Variants in SKIC3 observed in about 807,000 individuals in gnomAD.
SKIC3 encodes the protein SKI3 subunit of superkiller complex.
chr5:95,479,759 T>G, the SKIC3 span, among the ~76,000 whole-genome samples: 1,292 of 151,046 alleles, frequency 8.6e-3, 14 homozygotes, highest in South Asian at 0.035. Context: ...CTAAGGGTGT[T>G]GGGACATCTC....
the SKIC3 span, among the ~76,000 whole-genome samples, chr5:95,526,740 G>A: frequency 6.6e-6 from 1 of 152,076 alleles, no homozygotes; most frequent in East Asian, 1.9e-4. Context: ...AAGTGTTAGA[G>A]GCATGAGCCA....
At chr5:95,528,552 C>T in the SKIC3 span, among the ~76,000 whole-genome samples, 8 of 152,324 alleles carry the variant, frequency 5.3e-5, no homozygotes, top group African/African-American at 1.9e-4. Context: ...TTCTTAGTTA[C>T]AGGGAGCAAG....
chr5:95,522,901 T>C, the SKIC3 span, among the ~76,000 whole-genome samples: 1 of 152,172 alleles, frequency 6.6e-6, no homozygotes, highest in Non-Finnish European at 1.5e-5. Context: ...AAACAATGTG[T>C]GTCAGCAGAA....
At chr5:95,487,659 A>G in the SKIC3 span, among the ~76,000 whole-genome samples, 1 of 152,232 alleles carries the variant, frequency 6.6e-6, no homozygotes, top group Non-Finnish European at 1.5e-5. Flanking sequence ...CTACCCAAAC[A>G]ACACCATGGA....
At chr5:95,512,385 A>G in the SKIC3 span, 1 of 1,421,094 alleles carries the variant, frequency 7.0e-7, no homozygotes, top group Non-Finnish European at 9.6e-7. Flanking sequence ...AAGAATACCA[A>G]TATTTAATTT....
At chr5:95,501,880 TAAC>T in the SKIC3 span, among the ~76,000 whole-genome samples, 1 of 152,098 alleles carries the variant, frequency 6.6e-6, no homozygotes, top group Non-Finnish European at 1.5e-5. Context: ...ATGTTATATA[TAAC>T]GATAGATACA....
chr5:95,510,007 T>C, the SKIC3 span, among the ~76,000 whole-genome samples: 570 of 152,344 alleles, frequency 3.7e-3, 5 homozygotes, highest in African/African-American at 0.013. Context: ...ATTCAGTTCT[T>C]TGGCTAATTA....
chr5:95,484,172 A>G, the SKIC3 span, among the ~76,000 whole-genome samples: 3 of 152,096 alleles, frequency 2.0e-5, no homozygotes, highest in Non-Finnish European at 1.5e-5. Flanking sequence ...ATCTGTAAAA[A>G]TGAGGATAAT....
the SKIC3 span, chr5:95,524,448 T>C: frequency 1.2e-6 from 2 of 1,612,270 alleles, no homozygotes; most frequent in South Asian, 2.2e-5. Context: ...GGAATTGAAT[T>C]GTAGCACTTG....
chr5:95,523,952 CA>C, the SKIC3 span: 1 of 1,071,266 alleles, frequency 9.3e-7, no homozygotes, highest in Middle Eastern at 3.0e-4. Flanking sequence ...ATTAAACATA[CA>C]AAAATATGCC....
At chr5:95,516,246 A>G in the SKIC3 span, 4 of 1,142,734 alleles carry the variant, frequency 3.5e-6, no homozygotes, top group Non-Finnish European at 3.9e-6. Flanking sequence ...TACTGGCTAG[A>G]TAACGATGTG....
At chr5:95,509,529 G>T in the SKIC3 span, 1 of 1,251,820 alleles carries the variant, frequency 8.0e-7, no homozygotes, top group Non-Finnish European at 1.2e-6. Flanking sequence ...AGGCCAGTCA[G>T]AGATTCTCCA....
the SKIC3 span, among the ~76,000 whole-genome samples, chr5:95,493,340 A>T: frequency 0.012 from 1,893 of 152,340 alleles, 44 homozygotes; most frequent in African/African-American, 0.043. Flanking sequence ...TAATCTGGGA[A>T]CATCAGAGAT....
chr5:95,491,452 A>T, the SKIC3 span, among the ~76,000 whole-genome samples: 1 of 152,230 alleles, frequency 6.6e-6, no homozygotes, highest in Non-Finnish European at 1.5e-5. Context: ...TTCAGTTCTT[A>T]AGAAAAGTTT....
the SKIC3 span, among the ~76,000 whole-genome samples, chr5:95,465,173 G>T: frequency 6.6e-6 from 1 of 151,974 alleles, no homozygotes; most frequent in Non-Finnish European, 1.5e-5. Flanking sequence ...CAAGTAATCT[G>T]CTGGCCTTGG....
At chr5:95,490,805 T>C in the SKIC3 span, 2 of 1,478,544 alleles carry the variant, frequency 1.4e-6, no homozygotes, top group Non-Finnish European at 1.9e-6. Flanking sequence ...GCCTAATGAA[T>C]ATATTTTTTA....
the SKIC3 span, among the ~76,000 whole-genome samples, chr5:95,527,744 C>A: frequency 2.6e-5 from 4 of 151,996 alleles, no homozygotes; most frequent in African/African-American, 4.8e-5. Context: ...TAGTAATAAC[C>A]TAAGAGGGCA....
At chr5:95,537,799 G>A in the SKIC3 span, among the ~76,000 whole-genome samples, 18 of 152,026 alleles carry the variant, frequency 1.2e-4, 1 homozygote, top group South Asian at 2.1e-4. Flanking sequence ...CTGGCTACAC[G>A]TTCTGCATTT....
the SKIC3 span, among the ~76,000 whole-genome samples, chr5:95,468,753 T>A: frequency 6.6e-6 from 1 of 152,178 alleles, no homozygotes; most frequent in Non-Finnish European, 1.5e-5. Flanking sequence ...TTAGACTGCA[T>A]TTTTATTTGG....
Sources: allele counts gnomAD v4.1 joint callset (sites outside exome capture counted in the v4.1 genomes callset), GRCh38; gene constraint gnomAD v4.1.1; transcripts MANE v1.5; gene names NCBI Gene and HGNC (gene_info 2026-07-23, HGNC 2026-07-21).